The following MTHFD2L variants were observed in gnomAD, a reference collection of about 807,000 sequenced individuals.
MTHFD2L encodes methylenetetrahydrofolate dehydrogenase (NADP+ dependent) 2 like.
A neutral mutation model predicts 34.9 loss-of-function variants in MTHFD2L; 29 were observed. The ratio of observed to expected loss-of-function variants is 0.83; its 90% CI spans 0.62 to 1.13. The LOEUF (loss-of-function observed/expected upper bound fraction) is 1.13. Among genes scored for constraint, MTHFD2L ranks in the 50% most tolerant of loss-of-function variants. The pLI, the probability that MTHFD2L is intolerant of heterozygous loss-of-function variation, is 0.00. For missense variants in MTHFD2L, 481 were observed against 446.5 expected, an observed-to-expected ratio of 1.08 and a Z score of -0.70; for synonymous variants, 167 against 155.7, an observed-to-expected ratio of 1.07 and a Z score of -0.54.
chr4:74,167,474 ACAC>A (rs1263167682), intron 1 of MTHFD2L, among the ~76,000 whole-genome samples: 5 of 152,248 alleles, frequency 3.3e-5, no homozygotes, highest in African/African-American at 9.6e-5. Context: ...TATCCAGAGA[ACAC>A]AGGTAGACAA....
At chr4:74,253,037 A>C (rs1315152351) in intron 6 of MTHFD2L, among the ~76,000 whole-genome samples, 2 of 152,198 alleles carry the variant, frequency 1.3e-5, no homozygotes, top group Non-Finnish European at 2.9e-5. Flanking sequence ...GTGGTTTTAG[A>C]TGTTAGAAGA....
At chr4:74,234,403 A>G (rs1740534171) in intron 6 of MTHFD2L, among the ~76,000 whole-genome samples, 1 of 152,068 alleles carries the variant, frequency 6.6e-6, no homozygotes, top group African/African-American at 2.4e-5. Context: ...GACTAATGCT[A>G]TGACTTTCAA....
intron 3 of MTHFD2L, among the ~76,000 whole-genome samples, chr4:74,198,918 A>G (rs1160249504): frequency 1.3e-5 from 2 of 152,190 alleles, no homozygotes; most frequent in African/African-American, 2.4e-5. Flanking sequence ...TACAAAAGAT[A>G]TAAAACCCAA....
In MTHFD2L at chr4:74,237,190, A is replaced by G. The variant is rs188110092; in HGVS notation, c.805+11796A>G. 1.7e-4 allele frequency among the ~76,000 whole-genome samples: 26 copies of G among 152,316 alleles called. No individual in the cohort carries two copies. In the East Asian group the frequency reaches 4.8e-3, roughly 28 times the overall value. ...CATATGTGATGAGTAGGGAATAGTA[A>G]GAATTATAGTGGGACAGCACTGGAG... On this transcript the variant is annotated intron_variant, in intron 6 of 7. Transcript: ENST00000325278.
At chr4:74,193,561 T>A (rs990655835) in intron 3 of MTHFD2L, among the ~76,000 whole-genome samples, 1 of 152,218 alleles carries the variant, frequency 6.6e-6, no homozygotes, top group East Asian at 1.9e-4. Context: ...TCTTCCAATC[T>A]ATGAACATGG....
intron 1 of MTHFD2L, chr4:74,140,439 A>C: frequency 4.8e-6 from 2 of 417,292 alleles, no homozygotes; most frequent in Non-Finnish European, 6.4e-6. Flanking sequence ...TTATGTAATT[A>C]ATTAACTTAA....
At chr4:74,264,127 C>A (rs536091689) in intron 6 of MTHFD2L, among the ~76,000 whole-genome samples, 2 of 151,924 alleles carry the variant, frequency 1.3e-5, no homozygotes, top group African/African-American at 4.8e-5. Context: ...ATGAATGCTT[C>A]CCCCTAAGAT....
intron 7 of MTHFD2L, among the ~76,000 whole-genome samples, chr4:74,285,615 T>C (rs1477739832): frequency 6.6e-6 from 1 of 152,164 alleles, no homozygotes; most frequent in Non-Finnish European, 1.5e-5. Flanking sequence ...ACTACTATTT[T>C]TAATCCCCTA....
chr4:74,203,849 A>C (rs1734853115), intron 5 of MTHFD2L, among the ~76,000 whole-genome samples: 1 of 151,968 alleles, frequency 6.6e-6, no homozygotes, highest in South Asian at 2.1e-4. Flanking sequence ...ATGTTTACCT[A>C]AGTATACTAT....
chr4:74,249,348 A>G (rs1202954839), intron 6 of MTHFD2L, among the ~76,000 whole-genome samples: 4 of 151,842 alleles, frequency 2.6e-5, no homozygotes, highest in Non-Finnish European at 4.4e-5. Flanking sequence ...ATCTTCCTCC[A>G]TCCTTTTATT....
chr4:74,289,867 A>C (rs1288788993), intron 7 of MTHFD2L, among the ~76,000 whole-genome samples: 1 of 152,196 alleles, frequency 6.6e-6, no homozygotes, highest in African/African-American at 2.4e-5. Flanking sequence ...TCTTGAGATG[A>C]ATCTTAAAGG....
chr4:74,244,811 T>C (rs1422732133), intron 6 of MTHFD2L, among the ~76,000 whole-genome samples: 1 of 152,144 alleles, frequency 6.6e-6, no homozygotes, highest in Admixed American at 6.6e-5. Context: ...CAAAGAAAGA[T>C]ATCCACAATT....
intron 1 of MTHFD2L, among the ~76,000 whole-genome samples, chr4:74,171,761 C>T (rs1052708487): frequency 1.3e-5 from 2 of 151,972 alleles, no homozygotes; most frequent in African/African-American, 4.8e-5. Context: ...CGAGATCTTG[C>T]CACTGAACTG....
intron 6 of MTHFD2L, among the ~76,000 whole-genome samples, chr4:74,246,672 G>C (rs1186150175): frequency 1.3e-5 from 2 of 152,126 alleles, no homozygotes; most frequent in Admixed American, 6.5e-5. Context: ...GTAAGGAAGG[G>C]ATCCAGTTTC....
intron 6 of MTHFD2L, among the ~76,000 whole-genome samples, chr4:74,264,224 T>A (rs1745027577): frequency 2.0e-5 from 3 of 152,080 alleles, no homozygotes; most frequent in Admixed American, 2.0e-4. Context: ...TAAAGAAAAG[T>A]AATATAATGT....
chr4:74,213,769 G>A (rs1209055126), intron 5 of MTHFD2L, among the ~76,000 whole-genome samples: 1 of 152,158 alleles, frequency 6.6e-6, no homozygotes, highest in Non-Finnish European at 1.5e-5. Flanking sequence ...CTAGGTTGGG[G>A]AAGTTCTCCT....
chr4:74,180,787 A>G, intron 3 of MTHFD2L: 1 of 396,052 alleles, frequency 2.5e-6, no homozygotes, highest in Non-Finnish European at 5.4e-6. Flanking sequence ...GGAGAAATAA[A>G]AATGACCGAA....
intron 7 of MTHFD2L, among the ~76,000 whole-genome samples, chr4:74,288,135 A>G (rs895428833): frequency 1.3e-5 from 2 of 152,192 alleles, no homozygotes; most frequent in Non-Finnish European, 1.5e-5. Context: ...TTTTATTTTT[A>G]AAGACTTTGT....
At chr4:74,269,124 TC>T (rs1170435539) in intron 6 of MTHFD2L, among the ~76,000 whole-genome samples, 1 of 152,192 alleles carries the variant, frequency 6.6e-6, no homozygotes, top group African/African-American at 2.4e-5. Context: ...CTTAGATAAA[TC>T]AGAAATCTTC....
Sources: gnomAD v4.1 joint callset for allele counts (sites outside exome capture counted in the v4.1 genomes callset) on GRCh38, gnomAD v4.1.1 for gene constraint, MANE v1.5 for transcripts, NCBI Gene and HGNC (gene_info 2026-07-23, HGNC 2026-07-21) for gene names.